The following ZMYM4 variants were observed in gnomAD, a reference collection of about 807,000 sequenced individuals.
The protein encoded by ZMYM4 is zinc finger MYM-type protein 4.
A neutral mutation model predicts 183.2 loss-of-function variants in ZMYM4; 31 were observed. The observed-to-expected ratio is 0.17, with a 90% CI of 0.13 to 0.23. The LOEUF (loss-of-function observed/expected upper bound fraction) is 0.23, where lower values mean the gene tolerates loss of function less well. Ranked by LOEUF, ZMYM4 falls within the 10% of genes least tolerant of loss-of-function variation. The probability of loss-of-function intolerance (pLI) is 1.00; values close to 1 mark genes in which losing one functional copy is unlikely to be tolerated. For missense variants in ZMYM4, 1,273 were observed against 1,840.3 expected, an observed-to-expected ratio of 0.69 and a Z score of 5.64; for synonymous variants, 592 against 631.2, an observed-to-expected ratio of 0.94 and a Z score of 0.93.
intron 2 of ZMYM4, among the ~76,000 whole-genome samples, chr1:35,331,878 A>AT (rs773768600): frequency 8.6e-5 from 13 of 151,824 alleles, no homozygotes; most frequent in Non-Finnish European, 1.6e-4. Flanking sequence ...AAAAGGAGAT[A>AT]TAAGTTCTAT....
At chr1:35,313,476 C>T (rs146048752) in intron 1 of ZMYM4, among the ~76,000 whole-genome samples, 2 of 150,450 alleles carry the variant, frequency 1.3e-5, no homozygotes, top group Non-Finnish European at 3.0e-5. Flanking sequence ...GCAACGTCCA[C>T]CTCCTGGGCT....
intron 1 of ZMYM4, among the ~76,000 whole-genome samples, chr1:35,314,626 A>G (rs573905591): frequency 5.1e-4 from 77 of 149,864 alleles, no homozygotes; most frequent in African/African-American, 1.9e-3. Context: ...TTATACTTGC[A>G]GATTGAAAGG....
chr1:35,373,582 A>G (rs1644265660), intron 7 of ZMYM4, among the ~76,000 whole-genome samples: 1 of 142,214 alleles, frequency 7.0e-6, no homozygotes, highest in Admixed American at 7.3e-5. Context: ...TTCAGTAGAG[A>G]TGGCGTTTCA....
chr1:35,376,971 A>G (rs1402712624), intron 7 of ZMYM4, among the ~76,000 whole-genome samples: 3 of 151,810 alleles, frequency 2.0e-5, no homozygotes, highest in Admixed American at 2.0e-4. Context: ...CAGTGGTGCG[A>G]TCTGGGCTCA....
chr1:35,394,573 G>A (rs1349381160), intron 18 of ZMYM4, among the ~76,000 whole-genome samples: 1 of 152,120 alleles, frequency 6.6e-6, no homozygotes, highest in Non-Finnish European at 1.5e-5. Flanking sequence ...TACCCATAGT[G>A]GAGTTTCTGT....
intron 2 of ZMYM4, among the ~76,000 whole-genome samples, chr1:35,353,782 A>G (rs375665589): frequency 6.6e-6 from 1 of 152,232 alleles, no homozygotes; most frequent in Non-Finnish European, 1.5e-5. Context: ...ATTGCATAAG[A>G]TTTTATGCAG....
chr1:35,270,357 G>A (rs1263418106), intron 1 of ZMYM4, among the ~76,000 whole-genome samples: 1 of 152,152 alleles, frequency 6.6e-6, no homozygotes, highest in African/African-American at 2.4e-5. Context: ...GAAGTGTCAA[G>A]TATTATTTTT....
At chr1:35,332,395 C>T (rs1004819111) in intron 2 of ZMYM4, among the ~76,000 whole-genome samples, 1 of 149,754 alleles carries the variant, frequency 6.7e-6, no homozygotes, top group African/African-American at 2.5e-5. Flanking sequence ...AAAGGGTATA[C>T]TGGGGATGTT....
At position 35,397,535 on chromosome 1, in the gene ZMYM4, A is replaced by T; in HGVS notation, c.3189A>T (p.Leu1063=). 1 of 1,608,188 alleles carries T rather than the reference A, an allele frequency of 6.2e-7. No individual in the cohort carries two copies. Among genetic ancestry groups the T allele is most frequent in the Non-Finnish European group, 8.5e-7 (1 of 1,178,096 alleles). Residue 1063 remains leucine (L), a synonymous_variant, in exon 20 of 30, where the codon CTA becomes CTT. Transcript: ENST00000314607. ...CAGAAGATGAAGAGAAGAAGACTCT[A>T]TCTCAGGGAGGTTGGTATACTCTTT... ...MIAEDEEKKT[L]SQGESQTSEH...
At chr1:35,323,988 G>C (rs977061060) in intron 1 of ZMYM4, among the ~76,000 whole-genome samples, 1 of 152,070 alleles carries the variant, frequency 6.6e-6, no homozygotes, top group Non-Finnish European at 1.5e-5. Context: ...TGAATTTCAA[G>C]TTAAATGTGT....
chr1:35,363,162 CT>C (rs962478337), intron 5 of ZMYM4, among the ~76,000 whole-genome samples: 50 of 151,502 alleles, frequency 3.3e-4, no homozygotes, highest in African/African-American at 9.9e-4. Flanking sequence ...CAGAGTGAGA[CT>C]TTTTTTTTGG....
At chr1:35,378,282 A>G (rs1644378073) in intron 7 of ZMYM4, among the ~76,000 whole-genome samples, 1 of 152,154 alleles carries the variant, frequency 6.6e-6, no homozygotes, top group Admixed American at 6.5e-5. Context: ...TGATATTTGG[A>G]TTTCCTCTCA....
intron 2 of ZMYM4, among the ~76,000 whole-genome samples, chr1:35,352,781 A>G (rs764818782): frequency 7.2e-5 from 11 of 152,152 alleles, no homozygotes; most frequent in East Asian, 1.9e-4. Flanking sequence ...CATTTTGACC[A>G]GATTTCTAAA....
At chr1:35,346,650 C>CAAAAAA (rs746472685) in intron 2 of ZMYM4, among the ~76,000 whole-genome samples, 21 of 54,088 alleles carry the variant, frequency 3.9e-4, no homozygotes, top group Admixed American at 9.3e-4. Context: ...GACTCCATCT[C>CAAAAAA]AAAAAAAAAA....
intron 2 of ZMYM4, among the ~76,000 whole-genome samples, chr1:35,338,694 T>G (rs1037311230): frequency 2.6e-5 from 4 of 152,254 alleles, no homozygotes; most frequent in African/African-American, 9.6e-5. Context: ...CATTTTGTCT[T>G]TAATTTGCAT....
At chr1:35,284,745 G>C (rs576076432) in intron 1 of ZMYM4, among the ~76,000 whole-genome samples, 1 of 152,326 alleles carries the variant, frequency 6.6e-6, no homozygotes, top group East Asian at 1.9e-4. Flanking sequence ...TGGCTTGTAG[G>C]TAGCCACTAC....
intron 1 of ZMYM4, among the ~76,000 whole-genome samples, chr1:35,275,982 T>C (rs1248321755): frequency 1.3e-5 from 2 of 152,204 alleles, no homozygotes; most frequent in Non-Finnish European, 2.9e-5. Context: ...CATATCATCT[T>C]TCTGGCCTCC....
At chr1:35,350,088 G>C (rs1384252094) in intron 2 of ZMYM4, among the ~76,000 whole-genome samples, 1 of 151,090 alleles carries the variant, frequency 6.6e-6, no homozygotes, top group Non-Finnish European at 1.5e-5. Context: ...TCAGCCTCTT[G>C]AGTAGCTGGG....
intron 1 of ZMYM4, among the ~76,000 whole-genome samples, chr1:35,283,624 ACTGCACC>A (rs1417070864): frequency 1.3e-5 from 2 of 152,056 alleles, no homozygotes; most frequent in African/African-American, 2.4e-5. Flanking sequence ...GGTGTGAGGC[ACTGCACC>A]CGGCCTTGAA....
Sources: gnomAD v4.1 joint callset for allele counts (sites outside exome capture counted in the v4.1 genomes callset) on GRCh38, gnomAD v4.1.1 for gene constraint, MANE v1.5 for transcripts, NCBI Gene and HGNC (gene_info 2026-07-23, HGNC 2026-07-21) for gene names.